PRSS3: variants seen among roughly 807,000 people sequenced by gnomAD.
PRSS3 encodes the protein trypsin-3.
Under a neutral mutation model 20.8 loss-of-function variants are expected in PRSS3, and 14 were observed. The observed-to-expected ratio is 0.67, with a 90% confidence interval of 0.44 to 1.05. The LOEUF is 1.05. Among genes scored for constraint, PRSS3 ranks in the 50% least tolerant of loss-of-function variants. The pLI is 0.00. For missense variants in PRSS3, 237 were observed against 306.4 expected (o/e 0.77, Z 1.69); for synonymous variants, 91 against 117.6 (o/e 0.77, Z 1.46).
At chr9:33,783,655 A>G (rs1016339465) in intron 1 of PRSS3, among the ~76,000 whole-genome samples, 1 of 152,230 alleles carries the variant, frequency 6.6e-6, no homozygotes, top group Non-Finnish European at 1.5e-5. Context: ...AAATATGCCG[A>G]TAAGAACCAC....
chr9:33,766,736 C>A (rs1407647693), intron 1 of PRSS3, among the ~76,000 whole-genome samples: 3 of 151,764 alleles, frequency 2.0e-5, no homozygotes, highest in Non-Finnish European at 4.4e-5. Flanking sequence ...AGACGGAAAG[C>A]GTATTACTGA....
chr9:33,798,085 G>A lies in PRSS3; in HGVS notation c.454+3G>A. On this transcript the variant is annotated splice_donor_region_variant and intron_variant, in intron 3 of 4. Transcript: ENST00000379405. ...GGGCAACACTCTGAGCTTTGGTGGT[G>A]AGTGGGACCCTTTGTCCTTCTACTT... The A allele has an allele frequency of 6.2e-7, 1 of 1,614,268 alleles. No individual in the cohort carries two copies. The highest frequency in any genetic ancestry group is 8.5e-7 in the Non-Finnish European group (1 of 1,180,046).
upstream of PRSS3, among the ~76,000 whole-genome samples, chr9:33,792,244 CTGTT>C (rs1824664847): frequency 6.6e-6 from 1 of 151,974 alleles, no homozygotes; most frequent in African/African-American, 2.4e-5. Context: ...ATCTGACAAT[CTGTT>C]TGCAGAATGA....
At chr9:33,784,427 G>A (rs1319051357) in intron 1 of PRSS3, among the ~76,000 whole-genome samples, 1 of 152,214 alleles carries the variant, frequency 6.6e-6, no homozygotes, top group Non-Finnish European at 1.5e-5. Flanking sequence ...CCACTTAGCA[G>A]AGTTTATCTT....
intron 1 of PRSS3, among the ~76,000 whole-genome samples, chr9:33,789,899 T>C (rs868393686): frequency 2.6e-5 from 4 of 152,346 alleles, no homozygotes; most frequent in Admixed American, 1.3e-4. Context: ...AGTTACACAA[T>C]TTCTCCATGC....
At chr9:33,794,894 T>C, upstream of PRSS3, 1 of 1,550,154 alleles carries the variant, frequency 6.5e-7, no homozygotes, top group Non-Finnish European at 8.7e-7. Context: ...ACCTAACCTG[T>C]GTCCCCTCCT....
intron 1 of PRSS3, among the ~76,000 whole-genome samples, chr9:33,756,203 C>G (rs778611258): frequency 6.6e-6 from 1 of 152,072 alleles, no homozygotes; most frequent in Admixed American, 6.5e-5. Context: ...ATTTCCTGTC[C>G]GAATTTTGAA....
intron 1 of PRSS3, among the ~76,000 whole-genome samples, chr9:33,768,458 G>A (rs531969647): frequency 6.6e-6 from 1 of 151,972 alleles, no homozygotes; most frequent in South Asian, 2.1e-4. Flanking sequence ...ACTCCAGCCT[G>A]GGCAATAGAG....
chr9:33,761,280 T>C (rs1200262181), intron 1 of PRSS3, among the ~76,000 whole-genome samples: 1 of 152,144 alleles, frequency 6.6e-6, no homozygotes, highest in Non-Finnish European at 1.5e-5. Context: ...CTGAAGGGAG[T>C]CTGTAGGCGT....
intron 1 of PRSS3, among the ~76,000 whole-genome samples, chr9:33,757,664 C>T (rs114579920): frequency 6.9e-4 from 105 of 152,278 alleles, no homozygotes; most frequent in African/African-American, 2.5e-3. Flanking sequence ...AACTCCCTGA[C>T]AGCACGGGCC....
chr9:33,774,265 T>C (rs1445179823), intron 1 of PRSS3, among the ~76,000 whole-genome samples: 1 of 152,224 alleles, frequency 6.6e-6, no homozygotes, highest in Non-Finnish European at 1.5e-5. Flanking sequence ...GCTAATCTAA[T>C]GAACTAATCC....
chr9:33,753,149 T>C (rs1326808113), intron 1 of PRSS3, among the ~76,000 whole-genome samples: 1 of 152,232 alleles, frequency 6.6e-6, no homozygotes, highest in African/African-American at 2.4e-5. Flanking sequence ...GTTGTTCTTG[T>C]TGAATTTTGT....
intron 4 of PRSS3, 146 bp downstream of exon 4, chr9:33,798,768 G>A (rs1587406369): frequency 1.0e-5 from 14 of 1,362,214 alleles, no homozygotes; most frequent in East Asian, 6.9e-5. Flanking sequence ...GGGCTGAGGC[G>A]GCTCCCTGCA....
intron 1 of PRSS3, among the ~76,000 whole-genome samples, chr9:33,760,278 C>CACTGAGG (rs1446242051): frequency 2.9e-4 from 44 of 151,012 alleles, no homozygotes; most frequent in Middle Eastern, 3.4e-3. Context: ...CAACTGGTAA[C>CACTGAGG]TGCTTCTTTG....
rs74180504 is a variant in PRSS3, at chr9:33,785,160, ATTTTTTTTTTTTTTTTTT to A, written c.-52-9568_-52-9551del. Reference sequence around the variant, plus strand: ...GAAAAAGATCATAGCATTGTGGTCAATTTTTTTTTTTTTTTTTTTTTTTTTTTTTTTTTTTGAGACGGA... The same window carrying A: ...GAAAAAGATCATAGCATTGTGGTCAATTTTTTTTTTTTTTTTTGAGACGGA... On this transcript the variant is annotated intron_variant, in intron 1 of 5. Transcript: ENST00000342836. Among the ~76,000 whole-genome samples, 65 of 72,508 alleles carry A rather than the reference ATTTTTTTTTTTTTTTTTT, an allele frequency of 9.0e-4. 1 individual carries two copies. Among genetic ancestry groups the A allele is most frequent in the African/African-American group, 4.8e-3 (64 of 13,328 alleles). The allele number at this position is 72,508 out of a possible 152,430, so 47.6% of individuals were successfully genotyped here.
intron 1 of PRSS3, among the ~76,000 whole-genome samples, chr9:33,790,392 G>A (rs542443558): frequency 3.3e-5 from 5 of 152,062 alleles, no homozygotes; most frequent in Non-Finnish European, 5.9e-5. Context: ...CCATGACAAG[G>A]TATATATCCA....
intron 3 of PRSS3, 88 bp from the exon 4 acceptor site, chr9:33,798,398 C>T (rs1285175178): frequency 3.8e-6 from 6 of 1,575,776 alleles, no homozygotes; most frequent in Non-Finnish European, 5.2e-6. Flanking sequence ...GGCAGTGTTC[C>T]TCTTCAATGT....
intron 1 of PRSS3, among the ~76,000 whole-genome samples, chr9:33,778,813 A>G (rs1460326801): frequency 1.3e-5 from 2 of 152,116 alleles, no homozygotes; most frequent in African/African-American, 4.8e-5. Context: ...AAGTCCTAGG[A>G]GCAAACCTTG....
chr9:33,778,584 T>C (rs1824041298), intron 1 of PRSS3, among the ~76,000 whole-genome samples: 1 of 152,196 alleles, frequency 6.6e-6, no homozygotes, highest in Non-Finnish European at 1.5e-5. Context: ...TAAATTTATA[T>C]TAAAAACAAA....
Sources: gnomAD v4.1 joint callset for allele counts (sites outside exome capture counted in the v4.1 genomes callset) on GRCh38, gnomAD v4.1.1 for gene constraint, MANE v1.5 for transcripts, NCBI Gene and HGNC (gene_info 2026-07-23, HGNC 2026-07-21) for gene names.